The following ANKRD45 variants were observed in gnomAD, a reference collection of about 807,000 sequenced individuals.
ANKRD45 encodes the protein ankyrin repeat domain-containing protein 45.
Under a neutral mutation model 28.1 loss-of-function variants are expected in ANKRD45, and 21 were observed. That is an observed-to-expected ratio of 0.75 (90% CI 0.53 to 1.08). The LOEUF (loss-of-function observed/expected upper bound fraction) is 1.08, where lower values mean the gene tolerates loss of function less well. Ranked by LOEUF, ANKRD45 falls within the 50% of genes least tolerant of loss-of-function variation. ANKRD45 has a pLI of 0.00. For synonymous variants in ANKRD45, 86 were observed against 103.9 expected (o/e 0.83, Z 1.05); for missense variants, 261 against 308.7 (o/e 0.85, Z 1.16).
chr1:173,618,124 C>T (rs900427855), intron 5 of ANKRD45, among the ~76,000 whole-genome samples: 2 of 151,978 alleles, frequency 1.3e-5, no homozygotes, highest in Non-Finnish European at 2.9e-5. Context: ...AAAAAGGCCT[C>T]AAAAAAACTC....
chr1:173,714,942 T>G, the ANKRD45 span: 2 of 152,348 alleles, frequency 1.3e-5, no homozygotes, highest in African/African-American at 4.8e-5. Context: ...CTTCTGGATA[T>G]GGGCCGGTGA....
intron 3 of ANKRD45, among the ~76,000 whole-genome samples, chr1:173,631,874 C>T (rs1377575385): frequency 6.6e-6 from 1 of 151,484 alleles, no homozygotes; most frequent in African/African-American, 2.4e-5. Context: ...GTAATAAACA[C>T]CTACATTAAA....
chr1:173,629,045 T>C (rs926319399), intron 3 of ANKRD45, among the ~76,000 whole-genome samples: 2 of 152,234 alleles, frequency 1.3e-5, no homozygotes, highest in African/African-American at 4.8e-5. Flanking sequence ...AGACAGCATC[T>C]CTACAAGTCT....
chr1:173,675,312 C>A, the ANKRD45 span: 1 of 341,114 alleles, frequency 2.9e-6, no homozygotes, highest in South Asian at 2.1e-5. Flanking sequence ...GGCATGTAGC[C>A]AAGAAAAATT....
At chr1:173,654,847 G>A (rs1397730352) in intron 2 of ANKRD45, among the ~76,000 whole-genome samples, 1 of 151,880 alleles carries the variant, frequency 6.6e-6, no homozygotes, top group African/African-American at 2.4e-5. Context: ...TCATTAATTT[G>A]ATCTTCAATC....
At chr1:173,646,679 A>C (rs1024046281) in intron 3 of ANKRD45, among the ~76,000 whole-genome samples, 167 bp downstream of exon 3, 5 of 152,218 alleles carry the variant, frequency 3.3e-5, no homozygotes, top group Non-Finnish European at 5.9e-5. Context: ...GTTTATGGCC[A>C]ATAGCAAAAC....
At chr1:173,613,349 G>A (rs1470260998) in intron 5 of ANKRD45, among the ~76,000 whole-genome samples, 1 of 150,838 alleles carries the variant, frequency 6.6e-6, no homozygotes, top group South Asian at 2.1e-4. Context: ...GAGCCCCTCC[G>A]CCCAGCAGCC....
At chr1:173,675,149 G>A in the ANKRD45 span, among the ~76,000 whole-genome samples, 1 of 152,068 alleles carries the variant, frequency 6.6e-6, no homozygotes, top group South Asian at 2.1e-4. Flanking sequence ...GCTTATGTAC[G>A]TAAATAGGTT....
chr1:173,620,903 T>C (rs186449697), intron 5 of ANKRD45, among the ~76,000 whole-genome samples: 12 of 152,074 alleles, frequency 7.9e-5, no homozygotes, highest in African/African-American at 2.4e-4. Flanking sequence ...ATAAAATAGA[T>C]AGACCACTAG....
chr1:173,612,346 AGGAAG>A (rs1042644532), intron 5 of ANKRD45, among the ~76,000 whole-genome samples: 2 of 151,532 alleles, frequency 1.3e-5, no homozygotes, highest in African/African-American at 4.9e-5. Flanking sequence ...GAAGGAAGGA[AGGAAG>A]GAAGGAAGGA....
chr1:173,646,832 G>C lies in ANKRD45; in HGVS notation c.496+14C>G, dbSNP rs762498812. 6.2e-7 allele frequency: 1 copy of C among 1,611,522 alleles called. No individual in the cohort carries two copies. The highest frequency in any genetic ancestry group is 1.3e-5 in the African/African-American group (1 of 75,012). Reference sequence around the variant, plus strand: ...ACATCAGTCAGTTTGCTAACCCCTTGTGAGCTTCCTTACCTGCCCAGTCCA... The same window carrying C: ...ACATCAGTCAGTTTGCTAACCCCTTCTGAGCTTCCTTACCTGCCCAGTCCA... On this transcript the variant is annotated intron_variant, in intron 3 of 5. Coordinates refer to ENST00000333279, the MANE Select transcript of ANKRD45 (RefSeq NM_198493.3).
chr1:173,627,681 T>C (rs574826420), intron 3 of ANKRD45, among the ~76,000 whole-genome samples: 6 of 151,998 alleles, frequency 3.9e-5, no homozygotes, highest in East Asian at 1.9e-4. Flanking sequence ...CTAAATAAAT[T>C]TGAAAGGCCA....
the ANKRD45 span, among the ~76,000 whole-genome samples, chr1:173,701,226 A>G: frequency 0.24 from 37,240 of 152,074 alleles, 5,012 homozygotes; most frequent in Middle Eastern, 0.37. Context: ...TGGTGGGAGT[A>G]TAAACTAGTT....
At chr1:173,685,975 C>T in the ANKRD45 span, among the ~76,000 whole-genome samples, 2 of 152,076 alleles carry the variant, frequency 1.3e-5, no homozygotes, top group Non-Finnish European at 2.9e-5. Flanking sequence ...TGGGGCAGTC[C>T]ATTCTTGCTC....
the ANKRD45 span, among the ~76,000 whole-genome samples, chr1:173,691,896 C>T: frequency 2.0e-5 from 3 of 152,324 alleles, no homozygotes; most frequent in Admixed American, 2.0e-4. Context: ...ACGCACATGG[C>T]CCCTGCTGCT....
chr1:173,652,251 T>G (rs1036192660), intron 2 of ANKRD45, among the ~76,000 whole-genome samples: 1 of 152,170 alleles, frequency 6.6e-6, no homozygotes. Flanking sequence ...ATAGCTCTTA[T>G]TATTTTGAGA....
At chr1:173,710,054 G>T in the ANKRD45 span, among the ~76,000 whole-genome samples, 1 of 152,182 alleles carries the variant, frequency 6.6e-6, no homozygotes, top group Non-Finnish European at 1.5e-5. Context: ...GCTGGGTGTG[G>T]TGGCTTATGT....
Position 173,609,019 on chromosome 1 carries a change from A to G in ANKRD45, c.*1126T>C, listed in dbSNP as rs965302139. Among the ~76,000 whole-genome samples, 2 of 151,364 alleles carry G rather than the reference A, an allele frequency of 1.3e-5. No individual in the cohort carries two copies. The highest frequency in any genetic ancestry group is 4.9e-5 in the African/African-American group (2 of 41,214). On this transcript the variant is annotated 3_prime_UTR_variant, in exon 6 of 6. Transcript: ENST00000333279. ...GGGAGAAGGAGGGTAAAAAAAAAAAAGGAGCAAACACAGGTCTTCTTTGTA... is the reference window on the plus strand; with the variant it reads ...GGGAGAAGGAGGGTAAAAAAAAAAAGGGAGCAAACACAGGTCTTCTTTGTA...
intron 4 of ANKRD45, among the ~76,000 whole-genome samples, chr1:173,626,829 T>C (rs946911237): frequency 6.6e-6 from 1 of 152,190 alleles, no homozygotes; most frequent in Non-Finnish European, 1.5e-5. Flanking sequence ...CTGGGTTTGA[T>C]ACTTAGTACA....
Sources: gnomAD v4.1 joint callset for allele counts (sites outside exome capture counted in the v4.1 genomes callset) on GRCh38, gnomAD v4.1.1 for gene constraint, MANE v1.5 for transcripts, NCBI Gene and HGNC (gene_info 2026-07-23, HGNC 2026-07-21) for gene names.